The following CIB1 variants were observed in gnomAD, a reference collection of about 807,000 sequenced individuals.
The protein encoded by CIB1 is calcium and integrin binding 1.
In CIB1, 19 loss-of-function variants were observed where a neutral mutation model predicts 25.0. The ratio of observed to expected loss-of-function variants is 0.76; its 90% CI spans 0.53 to 1.12. The LOEUF is 1.12. CIB1 is among the 50% of genes most tolerant of loss of function. The pLI is 0.00. For synonymous variants in CIB1, 104 were observed against 98.5 expected (o/e 1.06, Z -0.33); for missense variants, 236 against 242.6 (o/e 0.97, Z 0.18).
the CIB1 span, chr15:90,258,524 A>C: frequency 4.9e-6 from 3 of 613,844 alleles, no homozygotes; most frequent in Non-Finnish European, 8.6e-6. Context: ...CTTTAGGGAC[A>C]CACTATCTAG....
At chr15:90,265,443 G>C in the CIB1 span, 1 of 1,328,116 alleles carries the variant, frequency 7.5e-7, no homozygotes, top group Non-Finnish European at 9.6e-7. Context: ...CTTGGAAACG[G>C]AATCCGTACT....
the CIB1 span, chr15:90,251,462 G>C: frequency 7.6e-7 from 1 of 1,309,444 alleles, no homozygotes; most frequent in South Asian, 1.2e-5. Context: ...TAGAGAAAAG[G>C]AATTGTGTTG....
At chr15:90,263,028 G>A in the CIB1 span, 3 of 1,536,148 alleles carry the variant, frequency 2.0e-6, no homozygotes, top group Non-Finnish European at 2.6e-6. Flanking sequence ...AGGAGCTGGA[G>A]CGGATGAAGG....
chr15:90,253,033 T>A, the CIB1 span, among the ~76,000 whole-genome samples: 8 of 152,074 alleles, frequency 5.3e-5, no homozygotes, highest in Non-Finnish European at 2.9e-5. Flanking sequence ...AAAACCAGGT[T>A]CTAGTTTTCT....
the CIB1 span, chr15:90,241,460 T>G: frequency 1.2e-6 from 2 of 1,613,622 alleles, no homozygotes; most frequent in South Asian, 2.2e-5. Context: ...TGCTGCCGGG[T>G]GCACTGAGGG....
the CIB1 span, among the ~76,000 whole-genome samples, chr15:90,256,570 T>C: frequency 0.037 from 1,335 of 35,656 alleles, 35 homozygotes; most frequent in East Asian, 0.13. Flanking sequence ...TCTTTCTTTC[T>C]TTCTTTCTTT....
At chr15:90,241,995 C>T in the CIB1 span, 38 of 1,614,022 alleles carry the variant, frequency 2.4e-5, no homozygotes, top group Admixed American at 3.3e-5. Flanking sequence ...TCAGGACTGT[C>T]GGCTGCCCCC....
chr15:90,252,369 CAG>C, the CIB1 span, among the ~76,000 whole-genome samples: 3 of 151,970 alleles, frequency 2.0e-5, no homozygotes, highest in South Asian at 2.1e-4. Flanking sequence ...TTTGTAGAGA[CAG>C]AGTCTTGCTA....
chr15:90,251,600 C>T, the CIB1 span: 1 of 1,613,832 alleles, frequency 6.2e-7, no homozygotes, highest in Non-Finnish European at 8.5e-7. Context: ...GAGTGGTAAG[C>T]ACCCAGCCCG....
chr15:90,242,220 T>TGAGACTATAG, the CIB1 span: 1 of 574,434 alleles, frequency 1.7e-6, no homozygotes, highest in Non-Finnish European at 3.0e-6. Context: ...CTTGAGTAGC[T>TGAGACTATAG]GAGACTATAG....
At chr15:90,256,334 C>T in the CIB1 span, 527 of 1,612,962 alleles carry the variant, frequency 3.3e-4, 1 homozygote, top group Middle Eastern at 6.9e-4. Context: ...CTTCCCTAGT[C>T]CCCAGCACTG....
At chr15:90,233,380 A>T (rs1962550150) in intron 2 of CIB1, among the ~76,000 whole-genome samples, 1 of 152,250 alleles carries the variant, frequency 6.6e-6, no homozygotes, top group Admixed American at 6.5e-5. Flanking sequence ...CCCCTGCCGG[A>T]CTGGGGCAGG....
chr15:90,265,049 C>A, the CIB1 span: 3 of 1,434,984 alleles, frequency 2.1e-6, no homozygotes, highest in Non-Finnish European at 2.8e-6. Flanking sequence ...AAATGAATGA[C>A]TGCCACCAAG....
the CIB1 span, chr15:90,251,718 A>C: frequency 1.0e-6 from 1 of 995,234 alleles, no homozygotes; most frequent in Non-Finnish European, 1.6e-6. Context: ...CTTGCCTCTA[A>C]CCTGTACTGA....
upstream of CIB1, among the ~76,000 whole-genome samples, chr15:90,237,202 A>T (rs1332540671): frequency 6.7e-6 from 1 of 149,080 alleles, no homozygotes; most frequent in Non-Finnish European, 1.5e-5. Context: ...CTCGTGATCC[A>T]CCCACCTTGG....
Position 90,230,954 on chromosome 15 carries a change from G to T in CIB1, c.534C>A (p.Ser178=). Residue 178 remains serine (S), a synonymous_variant, in exon 6 of 7, where the codon TCC becomes TCA. Transcript: ENST00000328649. ...CATACCTGGCAAAGTCTGGAGAACG[G>T]GAGATGACGTGCTGGAACTCAGAGA... The part of the protein sequence containing the change: ...INLSEFQHVI[S]RSPDFASSFK... 1.2e-6 allele frequency: 2 copies of T among 1,614,124 alleles called. No homozygotes were observed. Among genetic ancestry groups the T allele is most frequent in the African/African-American group, 1.3e-5 (1 of 75,056 alleles).
At chr15:90,257,769 A>C in the CIB1 span, 2 of 1,579,914 alleles carry the variant, frequency 1.3e-6, no homozygotes, top group South Asian at 1.1e-5. Flanking sequence ...CCTTAGCCCC[A>C]CAGTCCCAGT....
chr15:90,241,540 T>G, the CIB1 span: 1 of 1,613,442 alleles, frequency 6.2e-7, no homozygotes, highest in Non-Finnish European at 8.5e-7. Flanking sequence ...CTGGGAGGCT[T>G]GGCCTCGGTG....
At chr15:90,258,831 AC>A in the CIB1 span, 1 of 1,614,110 alleles carries the variant, frequency 6.2e-7, no homozygotes, top group Non-Finnish European at 8.5e-7. Context: ...ACCCTTGTCA[AC>A]CTCCGGGGCT....
Sources: allele counts gnomAD v4.1 joint callset (sites outside exome capture counted in the v4.1 genomes callset), GRCh38; gene constraint gnomAD v4.1.1; transcripts MANE v1.5; gene names NCBI Gene and HGNC (gene_info 2026-07-23, HGNC 2026-07-21).